Variants in EYS observed in about 807,000 individuals in gnomAD.
EYS encodes the protein EGF-like photoreceptor maintenance factor.
Under a neutral mutation model 282.1 loss-of-function variants are expected in EYS, and 250 were observed. The observed-to-expected ratio is 0.89, with a 90% CI of 0.80 to 0.98. EYS has a LOEUF of 0.98. EYS is among the 50% of genes least tolerant of loss of function. EYS has a pLI of 0.00. For missense variants in EYS, 4,016 were observed against 3,709.0 expected, an observed-to-expected ratio of 1.08 and a Z score of -2.15; for synonymous variants, 1,355 against 1,282.9, an observed-to-expected ratio of 1.06 and a Z score of -1.20.
chr6:65,605,252 A>G (rs1765746448), intron 2 of EYS, among the ~76,000 whole-genome samples: 1 of 152,004 alleles, frequency 6.6e-6, no homozygotes, highest in African/African-American at 2.4e-5. Context: ...TTGCATTGAC[A>G]TGAATGGTAT....
intron 36 of EYS, among the ~76,000 whole-genome samples, chr6:63,833,638 G>A (rs936326902): frequency 3.0e-4 from 46 of 152,118 alleles, no homozygotes; most frequent in Non-Finnish European, 8.8e-5. Flanking sequence ...TACTGCCCAA[G>A]GTAATTTTTA....
chr6:65,221,157 A>G (rs914167223), intron 12 of EYS, among the ~76,000 whole-genome samples: 6 of 152,224 alleles, frequency 3.9e-5, no homozygotes, highest in Admixed American at 2.6e-4. Context: ...CCAATGATGC[A>G]ATGGAAAAGA....
chr6:64,349,284 A>G (rs772344444), intron 29 of EYS, among the ~76,000 whole-genome samples: 3 of 151,218 alleles, frequency 2.0e-5, no homozygotes, highest in Non-Finnish European at 3.0e-5. Flanking sequence ...ATTAATTTAT[A>G]TGTAATACAA....
chr6:64,575,818 T>C (rs1279090656), intron 26 of EYS, among the ~76,000 whole-genome samples: 2 of 152,050 alleles, frequency 1.3e-5, no homozygotes, highest in African/African-American at 4.8e-5. Context: ...GTTTATAAAC[T>C]AAAGAGAGTA....
At position 65,659,625 on chromosome 6, in the gene EYS, T is replaced by C. The variant is rs1767937200; in HGVS notation, c.-447-19733A>G. Among the ~76,000 whole-genome samples, 3 of 151,850 alleles carry C rather than the reference T, an allele frequency of 2.0e-5. No individual in the cohort carries two copies. In the South Asian group the frequency reaches 6.2e-4, roughly 31 times the overall value. On this transcript the variant is annotated intron_variant, in intron 1 of 42. Coordinates refer to ENST00000503581, the MANE Select transcript of EYS (RefSeq NM_001142800.2). ...ACGAGGAGAACTGGAAATACTGACT[T>C]ATAGGAGATAATAAATATCCTTAGA...
intron 26 of EYS, among the ~76,000 whole-genome samples, chr6:64,534,571 G>C (rs1253266956): frequency 6.6e-6 from 1 of 151,870 alleles, no homozygotes; most frequent in African/African-American, 2.4e-5. Flanking sequence ...CTTCTCTGAT[G>C]ATTATGTACT....
chr6:65,485,906 T>TA (rs1765766324), intron 5 of EYS, among the ~76,000 whole-genome samples: 2 of 152,224 alleles, frequency 1.3e-5, no homozygotes, highest in African/African-American at 4.8e-5. Flanking sequence ...TTCATTAAAT[T>TA]AAAATAAAGT....
intron 26 of EYS, among the ~76,000 whole-genome samples, chr6:64,583,585 T>C (rs981417832): frequency 6.6e-6 from 1 of 152,006 alleles, no homozygotes; most frequent in East Asian, 1.9e-4. Flanking sequence ...CACCTGAGGT[T>C]AGGAGTTCAA....
intron 5 of EYS, among the ~76,000 whole-genome samples, chr6:65,409,440 A>G (rs982149267): frequency 6.6e-6 from 1 of 152,222 alleles, no homozygotes; most frequent in Non-Finnish European, 1.5e-5. Flanking sequence ...TAACTGCAGT[A>G]GTAGGCTGAC....
intron 37 of EYS, among the ~76,000 whole-genome samples, chr6:63,790,815 G>A (rs1770491111): frequency 6.6e-6 from 1 of 152,198 alleles, no homozygotes; most frequent in South Asian, 2.1e-4. Flanking sequence ...AGAGATTCTG[G>A]AGGGGATCTG....
At chr6:64,396,796 T>C (rs1421614045) in intron 28 of EYS, among the ~76,000 whole-genome samples, 4 of 152,152 alleles carry the variant, frequency 2.6e-5, no homozygotes, top group Non-Finnish European at 5.9e-5. Context: ...TGTACCAATA[T>C]ATCAATGTCT....
At chr6:64,788,748 T>G (rs1354335874) in intron 22 of EYS, among the ~76,000 whole-genome samples, 1 of 152,192 alleles carries the variant, frequency 6.6e-6, no homozygotes, top group African/African-American at 2.4e-5. Context: ...CACTTACTTC[T>G]CTTGTCTGCA....
chr6:64,497,616 G>C (rs1776931378), intron 26 of EYS, among the ~76,000 whole-genome samples: 1 of 151,924 alleles, frequency 6.6e-6, no homozygotes, highest in African/African-American at 2.4e-5. Context: ...GTAGAGGGGT[G>C]ATATACTAAA....
At chr6:64,099,786 G>A (rs1209655365) in intron 31 of EYS, among the ~76,000 whole-genome samples, 1 of 152,010 alleles carries the variant, frequency 6.6e-6, no homozygotes, top group Non-Finnish European at 1.5e-5. Flanking sequence ...TAGCTGGTGG[G>A]TTAACTACAA....
chr6:63,722,169 T>G (rs1170653666), intron 42 of EYS, among the ~76,000 whole-genome samples: 1 of 152,174 alleles, frequency 6.6e-6, no homozygotes, highest in Admixed American at 6.6e-5. Flanking sequence ...TCCTGGCTCC[T>G]TTCCTGTCTC....
intron 2 of EYS, among the ~76,000 whole-genome samples, chr6:65,591,322 C>T (rs1384281499): frequency 1.3e-5 from 2 of 148,684 alleles, no homozygotes; most frequent in African/African-American, 5.2e-5. Flanking sequence ...CCTCAGCCTC[C>T]CAAGTAGCTA....
chr6:64,949,903 T>G (rs1442967922), intron 14 of EYS, among the ~76,000 whole-genome samples: 2 of 151,956 alleles, frequency 1.3e-5, no homozygotes, highest in African/African-American at 4.8e-5. Context: ...TATAATATTC[T>G]TAGCCTAGCG....
Position 64,591,141 on chromosome 6 carries a change from G to A in EYS, c.4726C>T (p.His1576Tyr). ...SSREFSDQVL[H>Y]SKQSHFYETF... is the part of the protein sequence containing the mutation. ...TCATAAAAGTGGGACTGTTTGCTATGCAAAACTTGATCTGAGAATTCACGA... is the reference window on the plus strand; with the variant it reads ...TCATAAAAGTGGGACTGTTTGCTATACAAAACTTGATCTGAGAATTCACGA... Residue 1576 changes from histidine (H) to tyrosine (Y), a missense_variant, in exon 26 of 43, where the codon CAT (histidine) becomes TAT (tyrosine). Physicochemically the swap from His to Tyr is moderately conservative, Grantham distance 83. Coordinates refer to ENST00000503581, the MANE Select transcript of EYS (RefSeq NM_001142800.2). The A allele has an allele frequency of 6.4e-7, 1 of 1,551,262 alleles. No individual in the cohort carries two copies. Among genetic ancestry groups the A allele is most frequent in the Non-Finnish European group, 8.7e-7 (1 of 1,146,754 alleles).
At chr6:64,449,150 G>T (rs141555043) in intron 26 of EYS, among the ~76,000 whole-genome samples, 39 of 152,244 alleles carry the variant, frequency 2.6e-4, no homozygotes, top group Admixed American at 1.4e-3. Flanking sequence ...CCAATGCAGA[G>T]AAGTCTTTAA....
Sources: allele counts gnomAD v4.1 joint callset (sites outside exome capture counted in the v4.1 genomes callset), GRCh38; gene constraint gnomAD v4.1.1; transcripts MANE v1.5; gene names NCBI Gene and HGNC (gene_info 2026-07-23, HGNC 2026-07-21).